The following EPHB1 variants were observed in gnomAD, a reference collection of about 807,000 sequenced individuals.
EPHB1 encodes the protein EPH receptor B1, also known as ephrin type-B receptor 1.
In EPHB1, 30 loss-of-function variants were observed where a neutral mutation model predicts 94.4. The ratio of observed to expected loss-of-function variants is 0.32; its 90% CI spans 0.24 to 0.43. EPHB1 has a LOEUF of 0.43. Ranked by LOEUF, EPHB1 falls within the 20% of genes least tolerant of loss-of-function variation. The pLI, the probability that EPHB1 is intolerant of heterozygous loss-of-function variation, is 1.00. For synonymous variants in EPHB1, 522 were observed against 489.1 expected (o/e 1.07, Z -0.89); for missense variants, 1,055 against 1,308.3 (o/e 0.81, Z 2.99).
At chr3:134,820,094 G>A in intron 1 of EPHB1, among the ~76,000 whole-genome samples, 1 of 150,378 alleles carries the variant, frequency 6.6e-6, no homozygotes, top group East Asian at 2.0e-4. Flanking sequence ...ACCCATACTA[G>A]TAGACCCTGT....
intron 7 of EPHB1, 100 bp downstream of exon 7, chr3:135,162,280 A>T: frequency 4.6e-6 from 6 of 1,304,968 alleles, no homozygotes; most frequent in Non-Finnish European, 6.1e-6. Context: ...CTGATCTCCA[A>T]CTGGATTCCA....
intron 3 of EPHB1, among the ~76,000 whole-genome samples, chr3:134,986,225 A>G (rs1240465112): frequency 2.0e-5 from 3 of 152,222 alleles, no homozygotes; most frequent in Non-Finnish European, 2.9e-5. Context: ...AGAATCCCTC[A>G]TGATTATTCC....
At chr3:134,909,480 G>T (rs542252001) in intron 1 of EPHB1, among the ~76,000 whole-genome samples, 3 of 152,214 alleles carry the variant, frequency 2.0e-5, no homozygotes, top group South Asian at 4.1e-4. Context: ...GCCTTGAGAG[G>T]TTCTGAAATG....
At chr3:134,824,478 C>T (rs1483006861) in intron 1 of EPHB1, among the ~76,000 whole-genome samples, 1 of 152,138 alleles carries the variant, frequency 6.6e-6, no homozygotes, top group African/African-American at 2.4e-5. Flanking sequence ...TCACATTGCT[C>T]CCTGTTGTCA....
At position 134,888,912 on chromosome 3, in the gene EPHB1, A is replaced by C. The variant is rs987628843; in HGVS notation, c.59-36904A>C. Reference sequence around the variant, plus strand: ...GCTTCAAAGAGTGCTCTGGAAGGGGAGGGGGGCCCTGCAAAAGTTCTGAGC... The same window carrying C: ...GCTTCAAAGAGTGCTCTGGAAGGGGCGGGGGGCCCTGCAAAAGTTCTGAGC... On this transcript the variant is annotated intron_variant, in intron 1 of 15. Coordinates refer to ENST00000398015, the MANE Select transcript of EPHB1 (RefSeq NM_004441.5). Among the ~76,000 whole-genome samples, 752 of 135,058 alleles carry C rather than the reference A, an allele frequency of 5.6e-3. 6 individuals carry two copies. Among genetic ancestry groups the C allele is most frequent in the South Asian group, 0.037 (140 of 3,764 alleles). The allele number at this position is 135,058 out of a possible 152,430, so 88.6% of individuals were successfully genotyped here.
At chr3:135,037,408 C>T (rs192226863) in intron 3 of EPHB1, among the ~76,000 whole-genome samples, 43 of 152,258 alleles carry the variant, frequency 2.8e-4, no homozygotes, top group African/African-American at 8.4e-4. Context: ...GGAAAGCACT[C>T]GTTAGATATG....
intron 12 of EPHB1, among the ~76,000 whole-genome samples, chr3:135,236,551 G>A (rs926266341): frequency 9.2e-5 from 14 of 151,922 alleles, no homozygotes; most frequent in Admixed American, 1.3e-4. Context: ...AATTTCTATC[G>A]TGTTGGACTT....
At chr3:134,835,265 A>G (rs1236438145) in intron 1 of EPHB1, among the ~76,000 whole-genome samples, 1 of 152,234 alleles carries the variant, frequency 6.6e-6, no homozygotes. Context: ...ACTCCAGAGA[A>G]ACAAGTTCCA....
At position 135,167,010 on chromosome 3, in the gene EPHB1, A is replaced by G. The variant is rs1484254064; in HGVS notation, c.1759+4A>G. ...CAGCATTACAGCACAGGCCGAGGTA[A>G]GTAGAAAGCAGAGACCCGGTGTCTG... is the stretch of plus-strand genomic sequence containing the variant. On this transcript the variant is annotated splice_donor_region_variant and intron_variant, in intron 9 of 15. Coordinates refer to ENST00000398015, the MANE Select transcript of EPHB1 (RefSeq NM_004441.5). The G allele has an allele frequency of 1.2e-6, 2 of 1,614,030 alleles. No homozygotes were observed. The highest frequency in any genetic ancestry group is 8.5e-7 in the Non-Finnish European group (1 of 1,179,952).
At chr3:134,861,610 G>A (rs549401531) in intron 1 of EPHB1, among the ~76,000 whole-genome samples, 3 of 152,256 alleles carry the variant, frequency 2.0e-5, no homozygotes, top group East Asian at 1.9e-4. Flanking sequence ...GGATGGGAGC[G>A]GGGAGAGTGT....
chr3:134,945,557 T>C (rs1285850393), intron 2 of EPHB1, among the ~76,000 whole-genome samples: 1 of 152,216 alleles, frequency 6.6e-6, no homozygotes, highest in African/African-American at 2.4e-5. Context: ...ACTGAATTGA[T>C]TTCTAGAAGA....
chr3:135,016,785 A>T (rs781217944), intron 3 of EPHB1, among the ~76,000 whole-genome samples: 10 of 152,198 alleles, frequency 6.6e-5, no homozygotes, highest in Non-Finnish European at 1.3e-4. Context: ...GATCAAAATA[A>T]AAATTTCACT....
At chr3:135,114,456 C>T (rs1191812284) in intron 4 of EPHB1, among the ~76,000 whole-genome samples, 1 of 136,496 alleles carries the variant, frequency 7.3e-6, no homozygotes, top group Non-Finnish European at 1.5e-5. Flanking sequence ...AATCCCAGCA[C>T]TTTGGGAGGC....
chr3:135,169,851 C>A (rs527577749), intron 9 of EPHB1, among the ~76,000 whole-genome samples: 1 of 152,188 alleles, frequency 6.6e-6, no homozygotes, highest in Non-Finnish European at 1.5e-5. Context: ...CCCTCTAAGC[C>A]GGCTGCAGAG....
chr3:135,245,435 C>CTGTT (rs759254264), intron 13 of EPHB1, among the ~76,000 whole-genome samples: 11 of 148,716 alleles, frequency 7.4e-5, no homozygotes, highest in Admixed American at 1.4e-4. Context: ...GAATCAGTGG[C>CTGTT]TGTTTGATGT....
intron 1 of EPHB1, among the ~76,000 whole-genome samples, chr3:134,820,025 C>T (rs2036350822): frequency 6.6e-6 from 1 of 152,206 alleles, no homozygotes; most frequent in South Asian, 2.1e-4. Flanking sequence ...TCTGGTGAGG[C>T]CCGTGGTGGG....
intron 3 of EPHB1, among the ~76,000 whole-genome samples, chr3:135,001,494 T>A (rs1329021200): frequency 6.6e-6 from 1 of 152,228 alleles, no homozygotes; most frequent in East Asian, 1.9e-4. Context: ...AAAGATCATA[T>A]GCCAATTTAA....
At position 135,201,464 on chromosome 3, in the gene EPHB1, C is replaced by T. The variant is rs2270881; in HGVS notation, c.2131-10C>T. ...GTCTTGATCCCAATGCCCTCTATGT[C>T]TTATTACAGCAAAATGACGGGCAGT... On this transcript the variant is annotated splice_polypyrimidine_tract_variant and intron_variant, in intron 11 of 15. Coordinates refer to ENST00000398015, the MANE Select transcript of EPHB1 (RefSeq NM_004441.5). 101,825 of 1,613,706 alleles carry T rather than the reference C, an allele frequency of 0.063. 4,099 individuals are homozygous for T. Among genetic ancestry groups the T allele is most frequent in the East Asian group, 0.18 (7,848 of 44,826 alleles).
intron 3 of EPHB1, among the ~76,000 whole-genome samples, chr3:135,102,613 T>G (rs1422206607): frequency 1.3e-5 from 2 of 152,188 alleles, no homozygotes; most frequent in African/African-American, 4.8e-5. Flanking sequence ...ATGTAAAAGT[T>G]TAATAAATTA....
Sources: gnomAD v4.1 joint callset for allele counts (sites outside exome capture counted in the v4.1 genomes callset) on GRCh38, gnomAD v4.1.1 for gene constraint, MANE v1.5 for transcripts, NCBI Gene and HGNC (gene_info 2026-07-23, HGNC 2026-07-21) for gene names.